SEPTIN9: variants seen among roughly 807,000 people sequenced by gnomAD.
SEPTIN9 encodes the protein septin 9.
SEPTIN9 carries 13 observed loss-of-function variants against 56.6 expected under a neutral mutation model. The ratio of observed to expected loss-of-function variants is 0.23; its 90% CI spans 0.15 to 0.37. SEPTIN9 has a LOEUF of 0.37. Ranked by LOEUF, SEPTIN9 falls within the 10% of genes least tolerant of loss-of-function variation. SEPTIN9 has a pLI of 1.00. For synonymous variants in SEPTIN9, 332 were observed against 334.1 expected (o/e 0.99, Z 0.07); for missense variants, 650 against 823.1 (o/e 0.79, Z 2.57).
rs370380211 is a variant in SEPTIN9 at position 77,415,970 on chromosome 17, A to C, written c.721+13267A>C. Among the ~76,000 whole-genome samples, 8 of 152,346 alleles carry C rather than the reference A, an allele frequency of 5.3e-5. No homozygotes were observed. The East Asian group carries it at 1.5e-3, about 29-fold the overall frequency. ...TAAGGGGACACCAAAGAGCTCAGGA[A>C]TCAACACAGATAGTATTTAATGCAG... On this transcript the variant is annotated intron_variant, in intron 3 of 11. Coordinates refer to ENST00000427177, the MANE Select transcript of SEPTIN9 (RefSeq NM_001113491.2).
chr17:77,352,599 A>G (rs2034102042), intron 2 of SEPTIN9, among the ~76,000 whole-genome samples: 1 of 151,624 alleles, frequency 6.6e-6, no homozygotes, highest in South Asian at 2.1e-4. Context: ...AGCTCGGCCT[A>G]CCCCCCACCT....
chr17:77,404,188 G>C (rs1304643216), intron 3 of SEPTIN9, among the ~76,000 whole-genome samples: 1 of 152,100 alleles, frequency 6.6e-6, no homozygotes, highest in African/African-American at 2.4e-5. Context: ...TTCCTCCATC[G>C]GTGGACCCTT....
At chr17:77,324,880 A>G (rs1224327081) in intron 2 of SEPTIN9, among the ~76,000 whole-genome samples, 1 of 139,806 alleles carries the variant, frequency 7.2e-6, no homozygotes, top group Non-Finnish European at 1.5e-5. Context: ...GTGCAGTGGC[A>G]TGATCTTGGC....
intron 2 of SEPTIN9, among the ~76,000 whole-genome samples, chr17:77,381,184 C>A (rs145482773): frequency 5.1e-4 from 78 of 152,332 alleles, no homozygotes; most frequent in African/African-American, 1.8e-3. Context: ...GATAGACCCC[C>A]TTCCTGTATC....
chr17:77,362,321 C>T (rs998352225), intron 2 of SEPTIN9, among the ~76,000 whole-genome samples: 29 of 152,172 alleles, frequency 1.9e-4, no homozygotes, highest in East Asian at 5.8e-4. Flanking sequence ...CCAGAGTAGC[C>T]GTGGCCCTGT....
chr17:77,292,587 G>A (rs559966821), intron 1 of SEPTIN9, among the ~76,000 whole-genome samples: 4 of 151,814 alleles, frequency 2.6e-5, no homozygotes, highest in Non-Finnish European at 4.4e-5. Context: ...TCCGCCTCCC[G>A]GGTTCAACCA....
At chr17:77,482,693 C>T in intron 4 of SEPTIN9, 1 of 595,368 alleles carries the variant, frequency 1.7e-6, no homozygotes, top group South Asian at 2.0e-5. Flanking sequence ...TCCAGCCTGG[C>T]CCTCCAGGCT....
In SEPTIN9 at chr17:77,425,501, TG is replaced by T. The variant is rs200387298; in HGVS notation, c.721+22806del. On this transcript the variant is annotated intron_variant, in intron 3 of 11. Transcript: ENST00000427177. The surrounding 1 kb of genome is among the most constrained non-coding windows in gnomAD (Gnocchi z 4.2). ...CCTCTCTGGTCATGGGGACGCTGCC[TG>T]GGGGGGGTTCCCTTACATGGAAGGA... Among the ~76,000 whole-genome samples the T allele has an allele frequency of 1.3e-5, 2 of 151,830 alleles. No homozygotes were observed. Among genetic ancestry groups the T allele is most frequent in the South Asian group, 2.1e-4 (1 of 4,786 alleles).
chr17:77,383,796 G>A (rs1410428167), intron 2 of SEPTIN9, among the ~76,000 whole-genome samples: 4 of 152,230 alleles, frequency 2.6e-5, no homozygotes, highest in Non-Finnish European at 5.9e-5. Context: ...GGCAGAGGGC[G>A]CGATGGCCCA....
intron 3 of SEPTIN9, among the ~76,000 whole-genome samples, chr17:77,432,886 C>T (rs773719632): frequency 2.0e-5 from 3 of 152,220 alleles, no homozygotes; most frequent in Non-Finnish European, 2.9e-5. Context: ...TTCTCATGAG[C>T]GAGGCCCCCT....
At chr17:77,338,062 T>C (rs1318386007) in intron 2 of SEPTIN9, among the ~76,000 whole-genome samples, 1 of 152,102 alleles carries the variant, frequency 6.6e-6, no homozygotes, top group Non-Finnish European at 1.5e-5. Context: ...CTGGGTGTGG[T>C]GGCACATGCC....
chr17:77,410,136 C>T (rs997633958), intron 3 of SEPTIN9, among the ~76,000 whole-genome samples: 3 of 152,132 alleles, frequency 2.0e-5, no homozygotes, highest in Non-Finnish European at 4.4e-5. Context: ...GCTGAGCTTC[C>T]TTCCCGTTCT....
In SEPTIN9 at chr17:77,330,974, C is replaced by T. The variant is rs939374855; in HGVS notation, c.76+23777C>T. ...CACCTGGAGTCCCAGGCAGCAGATT[C>T]GATGCAGTGATGCAGGGCTGTCAGC... On this transcript the variant is annotated intron_variant, in intron 2 of 11. Coordinates refer to ENST00000427177, the MANE Select transcript of SEPTIN9 (RefSeq NM_001113491.2). The surrounding 1 kb of genome is among the most constrained non-coding windows in gnomAD (Gnocchi z 4.4). Among the ~76,000 whole-genome samples the T allele has an allele frequency of 3.1e-4, 47 of 152,332 alleles. No homozygotes were observed. Among genetic ancestry groups the T allele is most frequent in the African/African-American group, 1.1e-3 (44 of 41,570 alleles).
intron 3 of SEPTIN9, among the ~76,000 whole-genome samples, chr17:77,438,309 G>A (rs1425551218): frequency 6.6e-6 from 1 of 152,208 alleles, no homozygotes; most frequent in African/African-American, 2.4e-5. Flanking sequence ...GGTGGAGCCA[G>A]GATTCGAACC....
At chr17:77,336,820 G>A (rs1258149547) in intron 2 of SEPTIN9, among the ~76,000 whole-genome samples, 3 of 151,890 alleles carry the variant, frequency 2.0e-5, no homozygotes, top group South Asian at 2.1e-4. Flanking sequence ...CTTTAGATTT[G>A]TCATATATGA....
chr17:77,413,661 A>G (rs1340699211), intron 3 of SEPTIN9, among the ~76,000 whole-genome samples: 1 of 148,166 alleles, frequency 6.7e-6, no homozygotes, highest in Non-Finnish European at 1.5e-5. Flanking sequence ...CCCCTCCCCA[A>G]GGCTGCAGTC....
chr17:77,493,362 C>T (rs2040117636), intron 10 of SEPTIN9: 1 of 465,238 alleles, frequency 2.1e-6, no homozygotes. Context: ...GGTGCAGGCT[C>T]TTTCATAGGC....
Position 77,308,862 on chromosome 17 carries a change from A to G in SEPTIN9, c.76+1665A>G, listed in dbSNP as rs140789607. ...GGAGTGGAGGGGATGCCGTGTCCAC[A>G]TTGAGTGCATGTGAGGCCCCTTGCA... On this transcript the variant is annotated intron_variant, in intron 2 of 11. Coordinates refer to ENST00000427177, the MANE Select transcript of SEPTIN9 (RefSeq NM_001113491.2). 3.0e-3 allele frequency among the ~76,000 whole-genome samples: 451 copies of G among 152,278 alleles called. 3 individuals are homozygous for G. Among genetic ancestry groups the G allele is most frequent in the African/African-American group, 0.01 (427 of 41,560 alleles).
chr17:77,377,106 G>A (rs35825162), intron 2 of SEPTIN9: 59,702 of 152,092 alleles, frequency 0.39, 12,431 homozygotes, highest in Non-Finnish European at 0.47. Context: ...ATAGGTCTCC[G>A]AGCTTCAAGG....
Sources: gnomAD v4.1 joint callset for allele counts (sites outside exome capture counted in the v4.1 genomes callset) on GRCh38, gnomAD v4.1.1 for gene constraint, Gnocchi (gnomAD v3.1) non-coding constraint, MANE v1.5 for transcripts, NCBI Gene and HGNC (gene_info 2026-07-23, HGNC 2026-07-21) for gene names.